PPP6R3: variants seen among roughly 807,000 people sequenced by gnomAD.
PPP6R3 encodes protein phosphatase 6 regulatory subunit 3, also known as serine/threonine-protein phosphatase 6 regulatory subunit 3.
PPP6R3 carries 38 observed loss-of-function variants against 110.7 expected under a neutral mutation model. That is an observed-to-expected ratio of 0.34 (90% CI 0.26 to 0.45). The LOEUF is 0.45. PPP6R3 is among the 20% of genes least tolerant of loss of function. The pLI is 1.00. For missense variants in PPP6R3, 870 were observed against 1,062.4 expected (o/e 0.82, Z 2.52); for synonymous variants, 369 against 373.5 (o/e 0.99, Z 0.14).
chr11:68,517,215 TC>T (rs900011795), intron 1 of PPP6R3, among the ~76,000 whole-genome samples: 1 of 152,168 alleles, frequency 6.6e-6, no homozygotes, highest in Non-Finnish European at 1.5e-5. Flanking sequence ...GGTCTTTTCC[TC>T]TAACTTGCAT....
intron 21 of PPP6R3, among the ~76,000 whole-genome samples, chr11:68,602,880 C>T: frequency 6.6e-6 from 1 of 152,200 alleles, no homozygotes; most frequent in East Asian, 1.9e-4. Flanking sequence ...AGGCTCATCA[C>T]CTATGTTGGC....
intron 1 of PPP6R3, among the ~76,000 whole-genome samples, chr11:68,471,367 G>A (rs141662497): frequency 7.4e-4 from 112 of 152,160 alleles, no homozygotes; most frequent in African/African-American, 2.6e-3. Flanking sequence ...GTGAGGCACT[G>A]AAGGAATGAG....
Position 68,537,881 on chromosome 11 carries a change from A to T in PPP6R3, c.217A>T (p.Ile73Phe), listed in dbSNP as rs1397641374. 1.2e-6 allele frequency: 2 copies of T among 1,606,404 alleles called. No homozygotes were observed. The highest frequency in any genetic ancestry group is 3.3e-5 in the Admixed American group (2 of 59,906). Residue 73 changes from isoleucine to phenylalanine, a missense_variant, in exon 3 of 24, where the codon ATC becomes TTC. Physicochemically the swap from Ile to Phe is conservative, Grantham distance 21. Coordinates refer to ENST00000393800, the MANE Select transcript of PPP6R3 (RefSeq NM_001164161.2). ...EEPPQDMDEK[I>F]RYKYPNISCE... is the part of the protein sequence containing the mutation. Reference sequence around the variant, plus strand: ...ACCACCTCAAGACATGGATGAAAAGATCAGATACAAGTAAGACAATTCAAT... The same window carrying T: ...ACCACCTCAAGACATGGATGAAAAGTTCAGATACAAGTAAGACAATTCAAT...
chr11:68,543,403 GT>G (rs58332211), intron 3 of PPP6R3, among the ~76,000 whole-genome samples: 14 of 146,904 alleles, frequency 9.5e-5, no homozygotes, highest in Admixed American at 2.0e-4. Context: ...TGCCAGGTCT[GT>G]TTTTTTTTTT....
intron 3 of PPP6R3, among the ~76,000 whole-genome samples, chr11:68,541,831 G>T (rs746209853): frequency 1.3e-5 from 2 of 152,062 alleles, no homozygotes; most frequent in Admixed American, 6.6e-5. Flanking sequence ...CAGGAAGGAG[G>T]GGGGACAGTG....
intron 12 of PPP6R3, among the ~76,000 whole-genome samples, chr11:68,571,881 AT>A (rs754950474): frequency 1.3e-5 from 2 of 151,986 alleles, no homozygotes; most frequent in Non-Finnish European, 2.9e-5. Context: ...CAATCAAGAC[AT>A]TTCTGTCACC....
chr11:68,478,170 G>A (rs965058461), intron 1 of PPP6R3, among the ~76,000 whole-genome samples: 1 of 151,672 alleles, frequency 6.6e-6, no homozygotes, highest in Admixed American at 6.6e-5. Context: ...GGCTGGTCTC[G>A]AACTCCTGAT....
At chr11:68,590,781 T>C in intron 17 of PPP6R3, 67 bp downstream of exon 17, 1 of 1,449,130 alleles carries the variant, frequency 6.9e-7, no homozygotes, top group South Asian at 1.5e-5. Flanking sequence ...AGTCCCTGTG[T>C]GGATGCCACA....
At position 68,614,642 on chromosome 11, in the gene PPP6R3, ATTCCAGCAC is replaced by A; in HGVS notation, c.*1527_*1535del. The A allele has an allele frequency of 6.6e-7, 1 of 1,517,316 alleles. No homozygotes were observed. Among genetic ancestry groups the A allele is most frequent in the Non-Finnish European group, 8.8e-7 (1 of 1,138,972 alleles). 94.0% of individuals were successfully genotyped at this position (1,517,316 alleles called of 1,614,324 possible). A position where few individuals can be genotyped will look rare whatever the true frequency, so the allele number is the denominator to read the frequency against. On this transcript the variant is annotated 3_prime_UTR_variant, in exon 24 of 24. Coordinates refer to ENST00000393800, the MANE Select transcript of PPP6R3 (RefSeq NM_001164161.2). ...CTTTTTCATTTTAAGTGGTGTGGAG[ATTCCAGCAC>A]TCCCAGGACAGTGGAGTCAGCAGTA...
chr11:68,554,036 A>G (rs2099390496), intron 6 of PPP6R3, 109 bp from the exon 7 acceptor site: 2 of 696,920 alleles, frequency 2.9e-6, no homozygotes. Context: ...ACTGAAGCTT[A>G]TGGCCAGTGT....
chr11:68,551,309 G>T, intron 6 of PPP6R3, 123 bp downstream of exon 6: 1 of 703,254 alleles, frequency 1.4e-6, no homozygotes, highest in Non-Finnish European at 2.3e-6. Context: ...GAATAGCAGC[G>T]ATCTAGTGTT....
At chr11:68,474,184 A>G (rs1056108230) in intron 1 of PPP6R3, among the ~76,000 whole-genome samples, 4 of 152,098 alleles carry the variant, frequency 2.6e-5, no homozygotes, top group African/African-American at 4.8e-5. Context: ...AGCTGGGACT[A>G]CAAGCACACA....
chr11:68,554,934 T>C (rs757539520), intron 7 of PPP6R3, among the ~76,000 whole-genome samples: 6 of 152,232 alleles, frequency 3.9e-5, no homozygotes, highest in Non-Finnish European at 5.9e-5. Flanking sequence ...TTTTAATGCT[T>C]TTGTCAATCC....
At chr11:68,554,422 A>G (rs767404539) in intron 7 of PPP6R3, among the ~76,000 whole-genome samples, 165 bp downstream of exon 7, 6 of 152,162 alleles carry the variant, frequency 3.9e-5, no homozygotes, top group Non-Finnish European at 7.4e-5. Context: ...TCTCAGTAGA[A>G]GTTTGGCAGG....
At chr11:68,523,207 T>G in intron 2 of PPP6R3, among the ~76,000 whole-genome samples, 1 of 152,196 alleles carries the variant, frequency 6.6e-6, no homozygotes, top group East Asian at 1.9e-4. Context: ...GTCAGATACA[T>G]CTGGCAGTCA....
intron 6 of PPP6R3, among the ~76,000 whole-genome samples, chr11:68,553,602 C>CT (rs1168552072): frequency 8.6e-5 from 13 of 151,882 alleles, no homozygotes; most frequent in Admixed American, 8.5e-4. Flanking sequence ...TGTACTTTCA[C>CT]TTTTTTTTAA....
chr11:68,526,895 C>A (rs2099201822), intron 2 of PPP6R3, among the ~76,000 whole-genome samples: 1 of 152,194 alleles, frequency 6.6e-6, no homozygotes, highest in Non-Finnish European at 1.5e-5. Context: ...ACTGTAGTTG[C>A]TTTAATTTGA....
intron 1 of PPP6R3, among the ~76,000 whole-genome samples, chr11:68,474,451 T>C (rs2153276552): frequency 6.6e-6 from 1 of 152,356 alleles, no homozygotes; most frequent in South Asian, 2.1e-4. Flanking sequence ...AATGCTGTAT[T>C]TTTCCTGTTT....
intron 19 of PPP6R3, among the ~76,000 whole-genome samples, chr11:68,600,050 A>G (rs1400356534): frequency 6.6e-6 from 1 of 152,182 alleles, no homozygotes; most frequent in Non-Finnish European, 1.5e-5. Flanking sequence ...TGAACCCGGG[A>G]GGCGGAGCTT....
Sources: allele counts gnomAD v4.1 joint callset (sites outside exome capture counted in the v4.1 genomes callset), GRCh38; gene constraint gnomAD v4.1.1; transcripts MANE v1.5; gene names NCBI Gene and HGNC (gene_info 2026-07-23, HGNC 2026-07-21).